DOCK11: variants seen among roughly 807,000 people sequenced by gnomAD.
The protein encoded by DOCK11 is dedicator of cytokinesis 11, also known as dedicator of cytokinesis protein 11.
A neutral mutation model predicts 169.1 loss-of-function variants in DOCK11; 70 were observed. The ratio of observed to expected loss-of-function variants is 0.41; its 90% confidence interval spans 0.34 to 0.51. The LOEUF is 0.51. Ranked by LOEUF, DOCK11 falls within the 20% of genes least tolerant of loss-of-function variation. DOCK11 has a pLI of 0.10. For missense variants in DOCK11, 1,166 were observed against 1,538.8 expected, an observed-to-expected ratio of 0.76 and a Z score of 4.05; for synonymous variants, 529 against 541.3, an observed-to-expected ratio of 0.98 and a Z score of 0.32.
chrX:118,545,039 G>C (rs1351631699), intron 4 of DOCK11, among the ~76,000 whole-genome samples: 1 of 109,507 alleles, frequency 9.1e-6, no homozygotes. Context: ...AGGTTCCTTA[G>C]CAACTTCTGC....
intron 1 of DOCK11, among the ~76,000 whole-genome samples, chrX:118,497,787 G>T (rs776829955): frequency 4.4e-5 from 5 of 112,530 alleles, no homozygotes; most frequent in Non-Finnish European, 3.8e-5. Flanking sequence ...ACCACAACAC[G>T]TGAAGAAAGC....
intron 24 of DOCK11, among the ~76,000 whole-genome samples, chrX:118,605,864 TG>T (rs1313225002): frequency 8.9e-6 from 1 of 111,833 alleles, no homozygotes; most frequent in East Asian, 2.8e-4. Flanking sequence ...TTGTTGAAAG[TG>T]GGGTATTGAA....
chrX:118,528,480 G>A (rs2011430316), intron 1 of DOCK11, among the ~76,000 whole-genome samples: 1 of 111,479 alleles, frequency 9.0e-6, no homozygotes, highest in South Asian at 3.7e-4. Flanking sequence ...TGAGAGGATA[G>A]CATTTTAGCT....
intron 6 of DOCK11, among the ~76,000 whole-genome samples, chrX:118,548,437 G>A (rs1216290144): frequency 8.9e-6 from 1 of 111,762 alleles, no homozygotes; most frequent in African/African-American, 3.3e-5. Context: ...ATTACTAATC[G>A]GCAGGAGGGA....
chrX:118,641,455 C>T (rs2015531977), intron 39 of DOCK11, 150 bp downstream of exon 39: 2 of 446,879 alleles, frequency 4.5e-6, no homozygotes, highest in African/African-American at 2.5e-5. Context: ...TATCATGTGA[C>T]CCTGGAAGTC....
intron 41 of DOCK11, among the ~76,000 whole-genome samples, chrX:118,649,379 G>A (rs1049836699): frequency 3.6e-5 from 4 of 112,326 alleles, no homozygotes; most frequent in African/African-American, 1.3e-4. Flanking sequence ...CCTGTATTAG[G>A]TTAAGTATAT....
chrX:118,514,139 C>T (rs994300594), intron 1 of DOCK11, among the ~76,000 whole-genome samples: 4 of 109,835 alleles, frequency 3.6e-5, no homozygotes, highest in African/African-American at 1.3e-4. Flanking sequence ...AACGTCTGAC[C>T]TTTCCCCTGC....
intron 9 of DOCK11, among the ~76,000 whole-genome samples, chrX:118,567,411 G>A (rs2013114217): frequency 9.3e-6 from 1 of 107,253 alleles, no homozygotes; most frequent in African/African-American, 3.4e-5. Context: ...TAGGGACACA[G>A]TCATGATCCT....
At chrX:118,648,877 G>A (rs1279614614) in intron 40 of DOCK11, 68 bp from the exon 41 acceptor site, 22 of 985,981 alleles carry the variant, frequency 2.2e-5, no homozygotes. Context: ...GATATAGAGG[G>A]CACTTGATAT....
chrX:118,634,339 G>C (rs187551461), intron 35 of DOCK11: 3 of 112,453 alleles, frequency 2.7e-5, no homozygotes, highest in Admixed American at 9.4e-5. Flanking sequence ...GAAATGGGAG[G>C]GATGGCCTCG....
At chrX:118,557,721 G>T (rs2012751716) in intron 6 of DOCK11, among the ~76,000 whole-genome samples, 1 of 84,367 alleles carries the variant, frequency 1.2e-5, no homozygotes. Context: ...CCGAGATCGC[G>T]CCACTGTACT....
intron 1 of DOCK11, among the ~76,000 whole-genome samples, chrX:118,542,039 C>T (rs1303503618): frequency 8.9e-6 from 1 of 111,798 alleles, no homozygotes; most frequent in Non-Finnish European, 1.9e-5. Context: ...TCCAACGTTG[C>T]CCAGAGAGTA....
rs146675510 is a variant in DOCK11, at chrX:118,521,762, C to T, written c.103-20963C>T. On this transcript the variant is annotated intron_variant, in intron 1 of 52. Coordinates refer to ENST00000276202, the MANE Select transcript of DOCK11 (RefSeq NM_144658.4). ...TTTCCATCCTACTTATTTTTCACAACGTAACCTATTATCACATTGTATTTG... is the reference window on the plus strand; with the variant it reads ...TTTCCATCCTACTTATTTTTCACAATGTAACCTATTATCACATTGTATTTG... Among the ~76,000 whole-genome samples, 11 of 111,855 alleles carry T rather than the reference C, an allele frequency of 9.8e-5. No individual in the cohort carries two copies. The East Asian group carries it at 1.7e-3, about 17-fold the overall frequency.
At chrX:118,516,183 C>T (rs1370783632) in intron 1 of DOCK11, among the ~76,000 whole-genome samples, 2 of 95,197 alleles carry the variant, frequency 2.1e-5, no homozygotes, top group African/African-American at 8.2e-5. Context: ...AGCTCCGCCT[C>T]CCGGGTTCAC....
chrX:118,678,810 G>A (rs934800463), intron 48 of DOCK11, among the ~76,000 whole-genome samples: 2 of 105,559 alleles, frequency 1.9e-5, no homozygotes, highest in Non-Finnish European at 3.9e-5. Flanking sequence ...TGGCTCTGTC[G>A]CCCAGGCTGG....
rs2013087720 is a variant in DOCK11, at chrX:118,566,603, G to A, written c.901G>A (p.Glu301Lys). The A allele has an allele frequency of 5.0e-6, 6 of 1,209,479 alleles. No individual in the cohort carries two copies. Among genetic ancestry groups the A allele is most frequent in the African/African-American group, 1.7e-5 (1 of 57,200 alleles). The change falls in exon 9 of 53, where the codon GAG becomes AAG. Residue 301 changes from glutamate (E) to lysine (K), a missense_variant. Transcript: ENST00000276202. ...DDETSSQGKA[E>K]NIMASLERSM... ...TGAAACTAGCAGCCAAGGAAAAGCC[G>A]AGAACATCATGGCAAGTTTGGAAAG...
At chrX:118,615,743 TG>T (rs2014795292) in intron 30 of DOCK11, 32 bp downstream of exon 30, 2 of 1,106,637 alleles carry the variant, frequency 1.8e-6, no homozygotes, top group East Asian at 6.0e-5. Flanking sequence ...CATTTGAGTT[TG>T]TTTTTTTCCA....
chrX:118,585,028 A>G lies in DOCK11; in HGVS notation c.1719-13A>G. 8.3e-7 allele frequency: 1 copy of G among 1,201,777 alleles called. No individual in the cohort carries two copies. Among genetic ancestry groups the G allele is most frequent in the Non-Finnish European group, 1.1e-6 (1 of 887,244 alleles). ...ATAATTTTAACTCTAAAATATTATTATTTTATACCCAGGCCAGAAAAGACC... is the reference window on the plus strand; with the variant it reads ...ATAATTTTAACTCTAAAATATTATTGTTTTATACCCAGGCCAGAAAAGACC... On this transcript the variant is annotated splice_polypyrimidine_tract_variant and intron_variant, in intron 15 of 52. Transcript: ENST00000276202.
At chrX:118,649,159 T>C (rs760041931) in intron 41 of DOCK11, 32 bp downstream of exon 41, 21 of 1,111,759 alleles carry the variant, frequency 1.9e-5, no homozygotes, top group Middle Eastern at 5.0e-4. Flanking sequence ...TCTTCATCTT[T>C]CTTCTCTTCA....
Sources: allele counts gnomAD v4.1 joint callset (sites outside exome capture counted in the v4.1 genomes callset), GRCh38; gene constraint gnomAD v4.1.1; transcripts MANE v1.5; gene names NCBI Gene and HGNC (gene_info 2026-07-23, HGNC 2026-07-21).